The following CCT3 variants were observed in gnomAD, a reference collection of about 807,000 sequenced individuals.
CCT3 encodes the protein T-complex protein 1 subunit gamma.
CCT3 carries 10 observed loss-of-function variants against 65.3 expected under a neutral mutation model. That is an observed-to-expected ratio of 0.15 (90% CI 0.09 to 0.26). The LOEUF is 0.26. CCT3 is among the 10% of genes least tolerant of loss of function. The pLI, the probability that CCT3 is intolerant of heterozygous loss-of-function variation, is 1.00. For missense variants in CCT3, 626 were observed against 708.7 expected (o/e 0.88, Z 1.33); for synonymous variants, 225 against 242.3 (o/e 0.93, Z 0.66).
chr1:156,328,023 C>A lies in CCT3; in HGVS notation c.305-2934G>T, dbSNP rs540710417. On this transcript the variant is annotated intron_variant, in intron 5 of 13. Transcript: ENST00000295688. ...GGAGCCCCTCCGTCCGGCAGCCACC[C>A]CGTCCGGGAGGGAGGTGGGGGTCCA... Among the ~76,000 whole-genome samples, 315 of 39,058 alleles carry A rather than the reference C, an allele frequency of 8.1e-3. 17 individuals are homozygous for A. Among genetic ancestry groups the A allele is most frequent in the African/African-American group, 0.028 (285 of 10,080 alleles). The allele number at this position is 39,058 out of a possible 152,430, so 25.6% of individuals were successfully genotyped here.
intron 10 of CCT3, 21 bp downstream of exon 10, chr1:156,317,145 G>GT: frequency 6.2e-7 from 1 of 1,604,362 alleles, no homozygotes; most frequent in South Asian, 1.1e-5. Flanking sequence ...GAAAAGTCTT[G>GT]TTTTTACCTG....
chr1:156,310,837 A>G, intron 12 of CCT3, 113 bp downstream of exon 12: 1 of 1,474,368 alleles, frequency 6.8e-7, no homozygotes, highest in African/African-American at 1.4e-5. Flanking sequence ...GGAGAGAAAG[A>G]TTTCAAGGAA....
intron 1 of CCT3, among the ~76,000 whole-genome samples, chr1:156,336,728 T>C (rs1422978541): frequency 6.6e-6 from 1 of 152,124 alleles, no homozygotes; most frequent in Non-Finnish European, 1.5e-5. Flanking sequence ...AACATAATGT[T>C]TATTTCCTTC....
At chr1:156,318,415 C>T (rs145393254) in intron 8 of CCT3, among the ~76,000 whole-genome samples, 3 of 151,952 alleles carry the variant, frequency 2.0e-5, no homozygotes, top group African/African-American at 7.2e-5. Flanking sequence ...AGACAGTATT[C>T]GACATGTTGC....
chr1:156,325,662 C>T (rs61814799), intron 5 of CCT3, among the ~76,000 whole-genome samples: 31,640 of 151,324 alleles, frequency 0.21, 3,544 homozygotes, highest in Admixed American at 0.31. Context: ...ACTGCAACCT[C>T]CGCCTCCCAG....
chr1:156,334,779 A>C lies in CCT3; in HGVS notation c.145-4T>G. On this transcript the variant is annotated splice_polypyrimidine_tract_variant and splice_region_variant and intron_variant, in intron 3 of 13. Coordinates refer to ENST00000295688, the MANE Select transcript of CCT3 (RefSeq NM_005998.5). The stretch of plus-strand genomic sequence containing the variant: ...CTCCCATTGGGTCCAAAAGCATCTA[A>C]GATGAAAGCAAAAGTTATATTTAAA... The C allele has an allele frequency of 6.2e-7, 1 of 1,614,126 alleles. No individual in the cohort carries two copies. The highest frequency in any genetic ancestry group is 8.5e-7 in the Non-Finnish European group (1 of 1,179,966).
At chr1:156,337,961 A>C (rs1665516665) in intron 1 of CCT3, among the ~76,000 whole-genome samples, 193 bp downstream of exon 1, 1 of 152,180 alleles carries the variant, frequency 6.6e-6, no homozygotes. Flanking sequence ...GAATAAGGCC[A>C]GTTTGAGTTT....
intron 5 of CCT3, among the ~76,000 whole-genome samples, chr1:156,331,283 G>A (rs951150702): frequency 2.6e-5 from 4 of 151,952 alleles, no homozygotes; most frequent in Non-Finnish European, 4.4e-5. Flanking sequence ...GAGCCCAGGA[G>A]TTTGAGGCAA....
At chr1:156,328,580 C>T (rs536932404) in intron 5 of CCT3, among the ~76,000 whole-genome samples, 123 of 152,004 alleles carry the variant, frequency 8.1e-4, no homozygotes, top group African/African-American at 2.9e-3. Context: ...CTCTCTGAAA[C>T]ATGTGCTGTG....
At position 156,320,880 on chromosome 1, in the gene CCT3, G is replaced by A. The variant is rs887651981; in HGVS notation, c.568C>T (p.Arg190Trp). ...VKMVQFEENG[R>W]KEIDIKKYAR... ...TATTTTTTTATGTCAATCTCTTTCC[G>A]ACCATTCTCCTCAAACTGTACCATC... The change falls in exon 7 of 14, where the codon CGG (arginine) becomes TGG (tryptophan). Residue 190 changes from arginine to tryptophan, a missense_variant. Transcript: ENST00000295688. The A allele has an allele frequency of 1.9e-5, 31 of 1,612,618 alleles. No homozygotes were observed. The highest frequency in any genetic ancestry group is 1.6e-4 in the Middle Eastern group (1 of 6,082).
At chr1:156,329,257 T>C (rs1004143919) in intron 5 of CCT3, among the ~76,000 whole-genome samples, 12 of 151,826 alleles carry the variant, frequency 7.9e-5, no homozygotes, top group African/African-American at 2.9e-4. Flanking sequence ...GTCTGCATAG[T>C]AATGAGACTG....
intron 1 of CCT3, among the ~76,000 whole-genome samples, 196 bp downstream of exon 1, chr1:156,337,958 G>C (rs1338542676): frequency 6.6e-6 from 1 of 152,150 alleles, no homozygotes; most frequent in Non-Finnish European, 1.5e-5. Flanking sequence ...CGAGAATAAG[G>C]CCAGTTTGAG....
At chr1:156,316,923 T>C (rs1486484204) in intron 10 of CCT3, among the ~76,000 whole-genome samples, 1 of 152,126 alleles carries the variant, frequency 6.6e-6, no homozygotes, top group Non-Finnish European at 1.5e-5. Context: ...CCCACCAAGG[T>C]AGCAATTACA....
At chr1:156,309,360 T>A (rs761430291) in intron 13 of CCT3, 57 bp from the exon 14 acceptor site, 82 of 1,168,296 alleles carry the variant, frequency 7.0e-5, no homozygotes, top group Non-Finnish European at 1.0e-4. Context: ...GACACTTTTC[T>A]TTCCTTTAGA....
At chr1:156,337,331 C>G (rs1665449599) in intron 1 of CCT3, 1 of 263,290 alleles carries the variant, frequency 3.8e-6, no homozygotes, top group Non-Finnish European at 7.5e-6. Context: ...TCGCTTGAAC[C>G]TGGGAGGCAG....
intron 5 of CCT3, among the ~76,000 whole-genome samples, chr1:156,331,931 C>CT (rs796595687): frequency 1.0e-3 from 159 of 152,036 alleles, no homozygotes; most frequent in African/African-American, 3.8e-3. Flanking sequence ...ACTTGGAAGG[C>CT]TAAGGCAGGA....
intron 5 of CCT3, among the ~76,000 whole-genome samples, chr1:156,329,419 A>G (rs1316115590): frequency 6.8e-6 from 1 of 146,996 alleles, no homozygotes; most frequent in Non-Finnish European, 1.5e-5. Flanking sequence ...GATACTCCTG[A>G]CTCAGCCTCC....
At chr1:156,330,774 C>A (rs1665068423) in intron 5 of CCT3, among the ~76,000 whole-genome samples, 1 of 151,320 alleles carries the variant, frequency 6.6e-6, no homozygotes, top group Admixed American at 6.6e-5. Context: ...ATTAGCCAGG[C>A]ACAGTGGCGG....
At chr1:156,333,459 AGTGGAT>A (rs1665198732) in intron 5 of CCT3, 82 bp downstream of exon 5, 6 of 901,370 alleles carry the variant, frequency 6.7e-6, no homozygotes, top group Non-Finnish European at 1.1e-5. Context: ...ATCTGTAATT[AGTGGAT>A]CTGTAACAGA....
Sources: allele counts gnomAD v4.1 joint callset (sites outside exome capture counted in the v4.1 genomes callset), GRCh38; gene constraint gnomAD v4.1.1; transcripts MANE v1.5; gene names NCBI Gene and HGNC (gene_info 2026-07-23, HGNC 2026-07-21).